The following CHMP3 variants were observed in gnomAD, a reference collection of about 807,000 sequenced individuals.
CHMP3 encodes the protein 25.1 protein.
Under a neutral mutation model 27.4 loss-of-function variants are expected in CHMP3, and 8 were observed. That is an observed-to-expected ratio of 0.29 (90% CI 0.17 to 0.53). The LOEUF is 0.53. CHMP3 is among the 20% of genes least tolerant of loss of function. The pLI, the probability that CHMP3 is intolerant of heterozygous loss-of-function variation, is 0.96. For synonymous variants in CHMP3, 86 were observed against 85.5 expected (o/e 1.01, Z -0.03); for missense variants, 208 against 271.5 (o/e 0.77, Z 1.64).
chr2:86,552,016 G>A (rs1289021019), intron 1 of CHMP3, among the ~76,000 whole-genome samples: 1 of 152,176 alleles, frequency 6.6e-6, no homozygotes. Flanking sequence ...CAGGTCTCAG[G>A]CTAGGAATTC....
chr2:86,558,041 T>C (rs1213771885), intron 1 of CHMP3, among the ~76,000 whole-genome samples: 4 of 152,152 alleles, frequency 2.6e-5, no homozygotes, highest in South Asian at 4.1e-4. Context: ...CATGACCCAG[T>C]CTAAGAACAT....
chr2:86,549,811 C>T (rs1243605225), intron 1 of CHMP3, among the ~76,000 whole-genome samples: 3 of 150,860 alleles, frequency 2.0e-5, no homozygotes, highest in Admixed American at 6.6e-5. Context: ...GTGCTCCTCG[C>T]CTCCCAGGCG....
At chr2:86,543,240 A>G (rs988661102) in intron 1 of CHMP3, among the ~76,000 whole-genome samples, 2 of 152,244 alleles carry the variant, frequency 1.3e-5, no homozygotes, top group African/African-American at 4.8e-5. Context: ...CCATTAGAAG[A>G]TGAATTTCCA....
intron 1 of CHMP3, 102 bp downstream of exon 1, chr2:86,563,202 G>A (rs1214071035): frequency 4.3e-6 from 6 of 1,388,300 alleles, no homozygotes; most frequent in Non-Finnish European, 5.0e-6. Flanking sequence ...GGGGCCGGGC[G>A]GTATCGGGCA....
At position 86,505,895 on chromosome 2, in the gene CHMP3, G is replaced by A. The variant is rs1674869079; in HGVS notation, c.578C>T (p.Pro193Leu). 1 of 1,595,724 alleles carries A rather than the reference G, an allele frequency of 6.3e-7. No homozygotes were observed. The highest frequency in any genetic ancestry group is 8.5e-7 in the Non-Finnish European group (1 of 1,169,924). The change falls in exon 6 of 6, where the codon CCT (proline) becomes CTT (leucine). Residue 193 changes from proline to leucine, a missense_variant. Pro to Leu is a moderately conservative substitution (Grantham distance 98). Around this residue, in one of 3 missense-constraint regions of CHMP3, gnomAD observed 62 missense variants for 68.4 expected, o/e 0.91. Coordinates refer to ENST00000263856, the MANE Select transcript of CHMP3 (RefSeq NM_016079.4). ...KVTDALPEPE[P>L]PGAMAASEDE... The stretch of plus-strand genomic sequence containing the variant: ...CTCTGAGGCAGCCATCGCTCCTGGA[G>A]GTTCTGGCTCTGGAAGGGCATCAGT...
chr2:86,507,669 C>CTCGGTCTAGGT, intron 4 of CHMP3, 76 bp from the exon 5 acceptor site: 1 of 1,282,650 alleles, frequency 7.8e-7, no homozygotes, highest in Non-Finnish European at 1.1e-6. Flanking sequence ...TCACCTAGAC[C>CTCGGTCTAGGT]GAGCTCTAGC....
At chr2:86,561,725 T>C (rs1321523891) in intron 1 of CHMP3, 2 of 152,230 alleles carry the variant, frequency 1.3e-5, no homozygotes, top group East Asian at 3.8e-4. Flanking sequence ...TCAGGTAGAT[T>C]ACCCTACTGA....
intron 1 of CHMP3, among the ~76,000 whole-genome samples, chr2:86,548,173 A>G (rs949544810): frequency 2.1e-5 from 3 of 140,908 alleles, no homozygotes; most frequent in African/African-American, 8.2e-5. Context: ...TTAGAGGAGG[A>G]GTTCTCTTTT....
Position 86,551,325 on chromosome 2 carries a change from C to G in CHMP3, c.46-9013G>C, listed in dbSNP as rs190599777. ...TGGAGTCTCTCTCTGTCACCCATCT[C>G]GGCTCACTGCAACCTCTGCCTCCCA... On this transcript the variant is annotated intron_variant, in intron 1 of 5. Transcript: ENST00000263856. Among the ~76,000 whole-genome samples the G allele has an allele frequency of 3.4e-3, 506 of 150,630 alleles. 5 individuals are homozygous for G. The highest frequency in any genetic ancestry group is 0.012 in the African/African-American group (488 of 40,862).
At chr2:86,562,999 C>G in intron 1 of CHMP3, 1 of 303,226 alleles carries the variant, frequency 3.3e-6, no homozygotes, top group Non-Finnish European at 6.1e-6. Flanking sequence ...CGTACCAACG[C>G]GCGCAGGGGG....
chr2:86,553,122 C>T (rs188526700), intron 1 of CHMP3, among the ~76,000 whole-genome samples: 76 of 151,176 alleles, frequency 5.0e-4, no homozygotes, highest in African/African-American at 1.4e-3. Flanking sequence ...ATGATGTGCG[C>T]GGCAAACCAC....
At chr2:86,516,438 G>A (rs1437926916) in intron 3 of CHMP3, among the ~76,000 whole-genome samples, 1 of 152,170 alleles carries the variant, frequency 6.6e-6, no homozygotes, top group Non-Finnish European at 1.5e-5. Flanking sequence ...CTATGGAAAT[G>A]CAAAGTAAAA....
rs757342371 is a variant in CHMP3 at position 86,505,764 on chromosome 2, T to C, written c.*40A>G. 13 of 1,486,398 alleles carry C rather than the reference T, an allele frequency of 8.7e-6. No homozygotes were observed. In the African/African-American group the frequency reaches 1.4e-4, roughly 16 times the overall value. 92.1% of individuals were successfully genotyped at this position (1,486,398 alleles called of 1,614,324 possible). On this transcript the variant is annotated 3_prime_UTR_variant, in exon 6 of 6. Transcript: ENST00000263856. ...CAAGAGACACATAAAATGGCAGCTC[T>C]TGAGAGGAGTGTGTGCACACCCAGC...
chr2:86,538,020 A>G (rs1676216906), intron 2 of CHMP3, among the ~76,000 whole-genome samples: 1 of 152,330 alleles, frequency 6.6e-6, no homozygotes, highest in South Asian at 2.1e-4. Context: ...CACAATCTAA[A>G]TGTCCATCAG....
intron 1 of CHMP3, among the ~76,000 whole-genome samples, chr2:86,549,894 C>T (rs1194381940): frequency 1.1e-4 from 17 of 149,320 alleles, no homozygotes; most frequent in Admixed American, 7.3e-4. Context: ...GCCTCCCAGA[C>T]GGGGCGGCCG....
chr2:86,560,706 TAAAAAAA>T (rs879504813), intron 1 of CHMP3, among the ~76,000 whole-genome samples: 1 of 138,728 alleles, frequency 7.2e-6, no homozygotes, highest in East Asian at 2.0e-4. Flanking sequence ...AAGTATAATT[TAAAAAAA>T]AAAAAAAGAA....
rs577018362 is a variant in CHMP3, at chr2:86,548,642, CCTTTT to C, written c.46-6335_46-6331del. Among the ~76,000 whole-genome samples, 631 of 152,230 alleles carry C rather than the reference CCTTTT, an allele frequency of 4.1e-3. 7 individuals carry two copies. Among genetic ancestry groups the C allele is most frequent in the Middle Eastern group, 3.4e-3 (1 of 294 alleles). Reference sequence around the variant, plus strand: ...TGTCTTTCTTTTCCCCACATTTCCCCCTTTTCTTTTCAACAAAACCGCCATCGTCA... The same window carrying C: ...TGTCTTTCTTTTCCCCACATTTCCCCCTTTTCAACAAAACCGCCATCGTCA... On this transcript the variant is annotated intron_variant, in intron 1 of 5. Coordinates refer to ENST00000263856, the MANE Select transcript of CHMP3 (RefSeq NM_016079.4).
At chr2:86,537,881 T>C (rs912961037) in intron 2 of CHMP3, among the ~76,000 whole-genome samples, 1 of 152,192 alleles carries the variant, frequency 6.6e-6, no homozygotes, top group African/African-American at 2.4e-5. Flanking sequence ...AAATTAAAGA[T>C]ACAATTATTT....
intron 5 of CHMP3, among the ~76,000 whole-genome samples, chr2:86,506,175 C>A (rs937739290): frequency 6.6e-6 from 1 of 152,282 alleles, no homozygotes; most frequent in Non-Finnish European, 1.5e-5. Flanking sequence ...GGTTCTGAAG[C>A]TCCTAATCTA....
Sources: gnomAD v4.1 joint callset for allele counts (sites outside exome capture counted in the v4.1 genomes callset) on GRCh38, gnomAD v4.1.1 for gene constraint, gnomAD v4.1.1 regional missense constraint, MANE v1.5 for transcripts, NCBI Gene and HGNC (gene_info 2026-07-23, HGNC 2026-07-21) for gene names.